The following RNH1 variants were observed in gnomAD, a reference collection of about 807,000 sequenced individuals.
RNH1 encodes ribonuclease/angiogenin inhibitor 1.
RNH1 carries 38 observed loss-of-function variants against 46.1 expected under a neutral mutation model. That is an observed-to-expected ratio of 0.82 (90% CI 0.64 to 1.08). The LOEUF is 1.08. Ranked by LOEUF, RNH1 falls within the 50% of genes least tolerant of loss-of-function variation. The pLI is 0.00. For missense variants in RNH1, 577 were observed against 590.7 expected, an observed-to-expected ratio of 0.98 and a Z score of 0.24; for synonymous variants, 319 against 279.1, an observed-to-expected ratio of 1.14 and a Z score of -1.43.
chr11:506,442 G>A (rs35874808), intron 1 of RNH1: 4 of 152,186 alleles, frequency 2.6e-5, no homozygotes, highest in African/African-American at 9.7e-5. Context: ...TGACAACCCT[G>A]ACACCGGCCC....
chr11:497,791 A>C (rs1284924852), intron 9 of RNH1, among the ~76,000 whole-genome samples, 180 bp downstream of exon 9: 1 of 150,488 alleles, frequency 6.6e-6, no homozygotes, highest in Admixed American at 6.6e-5. Flanking sequence ...TCACATGCTC[A>C]CGGACACCCA....
At chr11:499,306 G>T in intron 5 of RNH1, 121 bp from the exon 6 acceptor site, 1 of 1,128,608 alleles carries the variant, frequency 8.9e-7, no homozygotes, top group Middle Eastern at 2.8e-4. Flanking sequence ...GGCATCAGGT[G>T]TCAGTGCTGA....
Position 498,003 on chromosome 11 carries a change from C to T in RNH1, c.1095G>A (p.Leu365=), listed in dbSNP as rs750536501. 2 of 1,614,006 alleles carry T rather than the reference C, an allele frequency of 1.2e-6. No individual in the cohort carries two copies. Among genetic ancestry groups the T allele is most frequent in the Non-Finnish European group, 1.7e-6 (2 of 1,179,966 alleles). Residue 365 remains leucine (L), a synonymous_variant, in exon 9 of 11, where the codon CTG becomes CTA. Transcript: ENST00000354420. ...DAGVRELCQG[L]GQPGSVLRVL... is the part of the protein sequence containing the mutation. ...CCCGCAGCACAGAGCCAGGCTGGCC[C>T]AGGCCCTGGCACAGCTCCCGCACGC...
chr11:499,137 G>T lies in RNH1; in HGVS notation c.492C>A (p.Ser164=). ...LSAASCEPLA[S]VLRAKPDFKE... ...TGAAGTCCGGCTTGGCCCTGAGCAC[G>T]GAGGCCAGGGGCTCGCAGCTGGCAG... is the stretch of plus-strand genomic sequence containing the variant. The change falls in exon 6 of 11, where the codon TCC becomes TCA. Residue 164 remains serine (S), a synonymous_variant. Coordinates refer to ENST00000354420, the MANE Select transcript of RNH1 (RefSeq NM_203387.3). 1 of 1,613,252 alleles carries T rather than the reference G, an allele frequency of 6.2e-7. No homozygotes were observed. The highest frequency in any genetic ancestry group is 1.1e-5 in the South Asian group (1 of 91,082).
At chr11:495,526 G>A (rs1848978214) in intron 9 of RNH1, among the ~76,000 whole-genome samples, 1 of 152,198 alleles carries the variant, frequency 6.6e-6, no homozygotes, top group Non-Finnish European at 1.5e-5. Flanking sequence ...GGATGGGATA[G>A]AGAAGACCCA....
In RNH1 at chr11:504,229, C is replaced by A. The variant is rs556034379; in HGVS notation, c.-88+595G>T. 1.0e-3 allele frequency among the ~76,000 whole-genome samples: 157 copies of A among 152,348 alleles called. 1 individual carries two copies. The highest frequency in any genetic ancestry group is 1.1e-3 in the Non-Finnish European group (78 of 68,012). On this transcript the variant is annotated intron_variant, in intron 2 of 10. Coordinates refer to ENST00000354420, the MANE Select transcript of RNH1 (RefSeq NM_203387.3). ...CGCGGGGCCACCCTCTAGGGAGACACGGGCCACGCTCAGGCGACGCGCAAA... is the reference window on the plus strand; with the variant it reads ...CGCGGGGCCACCCTCTAGGGAGACAAGGGCCACGCTCAGGCGACGCGCAAA...
rs753292624 is a variant in RNH1 at position 499,789 on chromosome 11, C to T, written c.443+40G>A. The T allele has an allele frequency of 4.4e-6, 7 of 1,583,118 alleles. No individual in the cohort carries two copies. In the South Asian group the frequency reaches 7.0e-5, roughly 16 times the overall value. On this transcript the variant is annotated intron_variant, in intron 5 of 10. Coordinates refer to ENST00000354420, the MANE Select transcript of RNH1 (RefSeq NM_203387.3). ...TGTAGGGGGCTGGCTGGGGGACAGGCAGCGGCCAGCATGGGCCCTGGGGCA... is the reference window on the plus strand; with the variant it reads ...TGTAGGGGGCTGGCTGGGGGACAGGTAGCGGCCAGCATGGGCCCTGGGGCA...
Position 498,811 on chromosome 11 carries a change from T to TG in RNH1, c.736_737insC (p.Glu246AlafsTer54). The TG allele has an allele frequency of 6.2e-7, 1 of 1,608,436 alleles. No individual in the cohort carries two copies. The highest frequency in any genetic ancestry group is 8.5e-7 in the Non-Finnish European group (1 of 1,179,640). ...GGGGTGGAGCAGCCCTGGGCACAGC[T>TG]CCGCCATGCCCACATCACCCAGCTT... On this transcript the variant is annotated frameshift_variant, in exon 7 of 11. Coordinates refer to ENST00000354420, the MANE Select transcript of RNH1 (RefSeq NM_203387.3). LOFTEE classifies it high-confidence loss of function.
At chr11:504,014 G>A (rs1223048687) in intron 2 of RNH1, among the ~76,000 whole-genome samples, 1 of 152,234 alleles carries the variant, frequency 6.6e-6, no homozygotes, top group African/African-American at 2.4e-5. Flanking sequence ...CCACCAGCTG[G>A]CAGCCTGCTT....
intron 2 of RNH1, chr11:503,034 G>T (rs528558800): frequency 2.6e-4 from 39 of 152,438 alleles, no homozygotes; most frequent in African/African-American, 9.1e-4. Context: ...CCCAAACCTT[G>T]GTTGGTGGAT....
chr11:498,369 C>G, intron 8 of RNH1, 88 bp downstream of exon 8: 1 of 1,521,168 alleles, frequency 6.6e-7, no homozygotes, highest in Middle Eastern at 1.9e-4. Context: ...CAGCAGCTTC[C>G]CTGGAGTCGC....
In RNH1 at chr11:502,032, A is replaced by G. The variant is rs779287653; in HGVS notation, c.101+30T>C. The stretch of plus-strand genomic sequence containing the variant: ...CCACCCGCCAGCCTGCCCCACCAGC[A>G]CCCCAAGGCCACCCCGAGAGCAAGC... On this transcript the variant is annotated intron_variant, in intron 3 of 10. Transcript: ENST00000354420. The surrounding 1 kb of genome is among the most constrained non-coding windows in gnomAD (Gnocchi z 5.8). The G allele has an allele frequency of 1.8e-5, 28 of 1,565,486 alleles. No individual in the cohort carries two copies. The highest frequency in any genetic ancestry group is 2.4e-5 in the Non-Finnish European group (28 of 1,146,204).
rs750316623 is a variant in RNH1, at chr11:497,001, G to A, written c.1127+970C>T. On this transcript the variant is annotated intron_variant, in intron 9 of 10. Coordinates refer to ENST00000354420, the MANE Select transcript of RNH1 (RefSeq NM_203387.3). ...TTAAAATGAGAACTAAGCCAGAGTGGTGCCGCCAGCCCGCCTTTCCCAGTA... is the reference window on the plus strand; with the variant it reads ...TTAAAATGAGAACTAAGCCAGAGTGATGCCGCCAGCCCGCCTTTCCCAGTA... Among the ~76,000 whole-genome samples, 4 of 152,358 alleles carry A rather than the reference G, an allele frequency of 2.6e-5. No homozygotes were observed. The South Asian group carries it at 8.3e-4, about 32-fold the overall frequency.
chr11:497,880 TCA>T (rs139668932), intron 9 of RNH1, 89 bp downstream of exon 9: 124 of 1,460,644 alleles, frequency 8.5e-5, no homozygotes, highest in Middle Eastern at 7.2e-4. Context: ...ACACTCGTGC[TCA>T]CACAGATACT....
intron 7 of RNH1, 37 bp downstream of exon 7, chr11:498,726 G>C (rs559897930): frequency 1.3e-6 from 2 of 1,589,578 alleles, no homozygotes; most frequent in East Asian, 2.2e-5. Context: ...CCCGCCGCCC[G>C]ACCCTCCGGG....
At chr11:498,327 G>A (rs563978526) in intron 8 of RNH1, 130 bp downstream of exon 8, 1 of 1,332,960 alleles carries the variant, frequency 7.5e-7, no homozygotes, top group South Asian at 1.4e-5. Context: ...GCTGCTCCCT[G>A]GCCTATGCAT....
At chr11:505,960 A>C (rs1251149870) in intron 1 of RNH1, 19 of 146,896 alleles carry the variant, frequency 1.3e-4, no homozygotes, top group South Asian at 1.1e-3. Context: ...GCTCACCGCA[A>C]CCTCCGCCTC....
chr11:497,110 C>G (rs527567822), intron 9 of RNH1, among the ~76,000 whole-genome samples: 3 of 146,278 alleles, frequency 2.1e-5, no homozygotes, highest in Non-Finnish European at 3.0e-5. Context: ...GCCACACTCA[C>G]GTGCTCACTC....
rs908934521 is a variant in RNH1 at position 507,215 on chromosome 11, C to G, written c.-363G>C. On this transcript the variant is annotated 5_prime_UTR_variant, in exon 1 of 11. Transcript: ENST00000354420. ...CGGGTTGAACGTGTCGACAACCCCA[C>G]CCGCCAGTCAGCGGCGCGGGCGTGT... 6.6e-6 allele frequency: 1 copy of G among 152,188 alleles called. No homozygotes were observed. The highest frequency in any genetic ancestry group is 2.4e-5 in the African/African-American group (1 of 41,452). 9.4% of individuals were successfully genotyped at this position (152,188 alleles called of 1,614,324 possible). A position where few individuals can be genotyped will look rare whatever the true frequency, so the allele number is the denominator to read the frequency against.
Sources: allele counts gnomAD v4.1 joint callset (sites outside exome capture counted in the v4.1 genomes callset), GRCh38; gene constraint gnomAD v4.1.1; non-coding constraint Gnocchi (gnomAD v3.1); transcripts MANE v1.5; gene names NCBI Gene and HGNC (gene_info 2026-07-23, HGNC 2026-07-21).